UTRN: variants seen among roughly 807,000 people sequenced by gnomAD.
The protein encoded by UTRN is dystrophin-related protein 1.
A neutral mutation model predicts 463.9 loss-of-function variants in UTRN; 283 were observed. The ratio of observed to expected loss-of-function variants is 0.61; its 90% confidence interval spans 0.55 to 0.67. The LOEUF (loss-of-function observed/expected upper bound fraction) is 0.67, where lower values mean the gene tolerates loss of function less well. Among genes scored for constraint, UTRN ranks in the 30% least tolerant of loss-of-function variants. The pLI, the probability that UTRN is intolerant of heterozygous loss-of-function variation, is 0.00. For synonymous variants in UTRN, 1,442 were observed against 1,431.5 expected, an observed-to-expected ratio of 1.01 and a Z score of -0.17; for missense variants, 3,922 against 4,084.3, an observed-to-expected ratio of 0.96 and a Z score of 1.08.
chr6:144,356,589 G>A (rs1778566960), intron 2 of UTRN, among the ~76,000 whole-genome samples: 1 of 152,176 alleles, frequency 6.6e-6, no homozygotes, highest in Non-Finnish European at 1.5e-5. Context: ...TAGGTGGGTG[G>A]ATCACTTGAG....
intron 2 of UTRN, among the ~76,000 whole-genome samples, chr6:144,389,681 C>T (rs917288524): frequency 2.0e-5 from 3 of 152,024 alleles, no homozygotes; most frequent in African/African-American, 7.2e-5. Context: ...TCACTGCAAC[C>T]TCTGTCTCCC....
intron 2 of UTRN, among the ~76,000 whole-genome samples, chr6:144,331,923 G>A (rs970527477): frequency 6.6e-6 from 1 of 152,178 alleles, no homozygotes; most frequent in Admixed American, 6.5e-5. Context: ...ATCATATGGT[G>A]AGATGCCATT....
chr6:144,504,095 T>C (rs1401611214), intron 34 of UTRN, among the ~76,000 whole-genome samples: 1 of 152,240 alleles, frequency 6.6e-6, no homozygotes, highest in Non-Finnish European at 1.5e-5. Flanking sequence ...TTTTGTATCC[T>C]GAGACTTTGC....
chr6:144,532,856 C>T (rs114364722), intron 42 of UTRN, among the ~76,000 whole-genome samples: 158 of 152,158 alleles, frequency 1.0e-3, no homozygotes, highest in African/African-American at 3.7e-3. Context: ...TGTATTTTGC[C>T]TGATGACATT....
At chr6:144,647,251 A>G (rs1185712764) in intron 51 of UTRN, among the ~76,000 whole-genome samples, 2 of 152,210 alleles carry the variant, frequency 1.3e-5, no homozygotes, top group Non-Finnish European at 1.5e-5. Flanking sequence ...TAGGATTTAT[A>G]CTGGTCATTT....
At chr6:144,425,289 T>C (rs1000880679) in intron 6 of UTRN, among the ~76,000 whole-genome samples, 2 of 152,230 alleles carry the variant, frequency 1.3e-5, no homozygotes, top group African/African-American at 4.8e-5. Flanking sequence ...TTCTTCTTAG[T>C]GCATCATATC....
At chr6:144,789,147 A>C in intron 61 of UTRN, 47 bp from the exon 62 acceptor site, 3 of 1,431,916 alleles carry the variant, frequency 2.1e-6, no homozygotes, top group Non-Finnish European at 2.9e-6. Context: ...AACATGCTGT[A>C]TATGGTTTTA....
At chr6:144,328,849 TC>T (rs1432187848) in intron 2 of UTRN, among the ~76,000 whole-genome samples, 2 of 152,080 alleles carry the variant, frequency 1.3e-5, no homozygotes, top group African/African-American at 4.8e-5. Context: ...AGTGGTGCGA[TC>T]TTGGCTCCCT....
chr6:144,747,188 G>A (rs189638730), intron 54 of UTRN, among the ~76,000 whole-genome samples: 14 of 152,314 alleles, frequency 9.2e-5, no homozygotes, highest in Admixed American at 9.1e-4. Context: ...GATGTGTACT[G>A]AAAGATGAGA....
At chr6:144,750,031 A>G (rs1791206265) in intron 55 of UTRN, among the ~76,000 whole-genome samples, 1 of 152,176 alleles carries the variant, frequency 6.6e-6, no homozygotes, top group Admixed American at 6.5e-5. Flanking sequence ...ACCCATGGAG[A>G]GAATATTAAT....
intron 62 of UTRN, among the ~76,000 whole-genome samples, chr6:144,792,614 T>A (rs1035828228): frequency 6.6e-6 from 1 of 152,196 alleles, no homozygotes; most frequent in African/African-American, 2.4e-5. Context: ...TGAAAATAGT[T>A]TTAGAATCCA....
In UTRN at chr6:144,301,307, G is replaced by A. The variant is rs114998828; in HGVS notation, c.79+9400G>A. On this transcript the variant is annotated intron_variant, in intron 2 of 74. Transcript: ENST00000367545. ...ACTTGAATTATTTGAACTTGCATAC[G>A]CTTTTTCAAGATACGTAACGTGTTG... Among the ~76,000 whole-genome samples the A allele has an allele frequency of 1.7e-4, 26 of 152,010 alleles. 1 individual carries two copies. Among genetic ancestry groups the A allele is most frequent in the Non-Finnish European group, 3.2e-4 (22 of 67,992 alleles).
At chr6:144,678,245 T>C (rs1196178086) in intron 51 of UTRN, among the ~76,000 whole-genome samples, 161 bp from the exon 52 acceptor site, 2 of 152,186 alleles carry the variant, frequency 1.3e-5, no homozygotes, top group African/African-American at 4.8e-5. Context: ...ACTGAAGATT[T>C]AAAGACTATA....
chr6:144,348,654 G>A (rs993180324), intron 2 of UTRN, among the ~76,000 whole-genome samples: 1 of 152,154 alleles, frequency 6.6e-6, no homozygotes, highest in Non-Finnish European at 1.5e-5. Flanking sequence ...GAAAAGAATC[G>A]GCCGGTGCGG....
chr6:144,400,244 A>G (rs1335448836), intron 2 of UTRN, among the ~76,000 whole-genome samples: 1 of 152,214 alleles, frequency 6.6e-6, no homozygotes, highest in African/African-American at 2.4e-5. Context: ...TTATACATAT[A>G]TATTTATAAT....
chr6:144,738,360 T>G (rs917701200), intron 54 of UTRN, among the ~76,000 whole-genome samples: 1 of 152,162 alleles, frequency 6.6e-6, no homozygotes, highest in Non-Finnish European at 1.5e-5. Flanking sequence ...GACAACAGCC[T>G]TCACCCACCC....
intron 17 of UTRN, 120 bp from the exon 18 acceptor site, chr6:144,451,250 T>C: frequency 1.7e-6 from 2 of 1,174,300 alleles, no homozygotes; most frequent in Non-Finnish European, 2.3e-6. Flanking sequence ...TCTGGGTTGC[T>C]GTTTTTGGGG....
At chr6:144,299,929 C>T (rs2114528770) in intron 2 of UTRN, among the ~76,000 whole-genome samples, 1 of 152,018 alleles carries the variant, frequency 6.6e-6, no homozygotes, top group East Asian at 1.9e-4. Flanking sequence ...TATAACTATG[C>T]TTGCTTTTGA....
chr6:144,355,402 C>G (rs1778460265), intron 2 of UTRN, among the ~76,000 whole-genome samples: 1 of 151,982 alleles, frequency 6.6e-6, no homozygotes, highest in Admixed American at 6.6e-5. Context: ...ACTCCCTATG[C>G]TTCTCAGGTT....
Sources: gnomAD v4.1 joint callset for allele counts (sites outside exome capture counted in the v4.1 genomes callset) on GRCh38, gnomAD v4.1.1 for gene constraint, MANE v1.5 for transcripts, NCBI Gene and HGNC (gene_info 2026-07-23, HGNC 2026-07-21) for gene names.